PIWIL1: variants seen among roughly 807,000 people sequenced by gnomAD.
PIWIL1 encodes the protein piwi-like protein 1.
A neutral mutation model predicts 114.4 loss-of-function variants in PIWIL1; 73 were observed. The observed-to-expected ratio is 0.64, with a 90% CI of 0.53 to 0.78. The LOEUF is 0.78. PIWIL1 is among the 30% of genes least tolerant of loss of function. PIWIL1 has a pLI of 0.00. For missense variants in PIWIL1, 723 were observed against 1,063.1 expected, an observed-to-expected ratio of 0.68 and a Z score of 4.45; for synonymous variants, 375 against 369.0, an observed-to-expected ratio of 1.02 and a Z score of -0.19.
chr12:130,362,769 G>T lies in PIWIL1; in HGVS notation c.1974G>T (p.Trp658Cys), dbSNP rs754538430. ...VASINEGMTR[W>C]FSRCIFQDRG... Reference sequence around the variant, plus strand: ...AGCTGTGTTTTTCTCTGAATAGCTGGTTCTCACGCTGCATATTTCAGGATA... The same window carrying T: ...AGCTGTGTTTTTCTCTGAATAGCTGTTTCTCACGCTGCATATTTCAGGATA... The change falls in exon 17 of 21, where the codon TGG becomes TGT. Residue 658 changes from tryptophan to cysteine, a missense_variant. This residue lies in a region of PIWIL1 where 298 missense variants were observed against 420.8 expected (regional missense o/e 0.71). Transcript: ENST00000245255. 6.2e-7 allele frequency: 1 copy of T among 1,613,932 alleles called. No individual in the cohort carries two copies. The highest frequency in any genetic ancestry group is 8.5e-7 in the Non-Finnish European group (1 of 1,179,860).
intron 19 of PIWIL1, among the ~76,000 whole-genome samples, chr12:130,367,459 C>T (rs1331757167): frequency 6.6e-6 from 1 of 152,140 alleles, no homozygotes; most frequent in African/African-American, 2.4e-5. Flanking sequence ...TTTCCAAGTA[C>T]AGTTTTTCAT....
chr12:130,383,763 G>T, the PIWIL1 span: 1 of 152,184 alleles, frequency 6.6e-6, no homozygotes, highest in African/African-American at 2.4e-5. Context: ...CTGTGGTGAG[G>T]CATATTTGCT....
intron 14 of PIWIL1, among the ~76,000 whole-genome samples, 167 bp downstream of exon 14, chr12:130,357,720 T>C (rs1395126650): frequency 6.6e-6 from 1 of 152,222 alleles, no homozygotes; most frequent in East Asian, 1.9e-4. Context: ...ATGCTAGCTT[T>C]AGTTGTGCAC....
intron 19 of PIWIL1, 79 bp from the exon 20 acceptor site, chr12:130,371,097 A>G: frequency 8.4e-7 from 1 of 1,184,286 alleles, no homozygotes; most frequent in East Asian, 2.3e-5. Context: ...GAAGAGTGGT[A>G]CAGAGCTTTT....
intron 9 of PIWIL1, among the ~76,000 whole-genome samples, chr12:130,353,108 G>A (rs1050675933): frequency 1.3e-5 from 2 of 152,244 alleles, no homozygotes; most frequent in African/African-American, 2.4e-5. Context: ...ATGAGAGACA[G>A]ATTAAGGACA....
At chr12:130,393,247 T>C in the PIWIL1 span, among the ~76,000 whole-genome samples, 3 of 144,338 alleles carry the variant, frequency 2.1e-5, no homozygotes, top group Admixed American at 2.0e-4. Flanking sequence ...CTGGTGAGTA[T>C]TGAATGTTGT....
chr12:130,394,866 T>G, the PIWIL1 span, among the ~76,000 whole-genome samples: 3 of 152,312 alleles, frequency 2.0e-5, no homozygotes, highest in Admixed American at 2.0e-4. Flanking sequence ...GTTTCTCATT[T>G]TGAATATACA....
At chr12:130,388,731 A>G in the PIWIL1 span, among the ~76,000 whole-genome samples, 152 of 152,252 alleles carry the variant, frequency 1.0e-3, no homozygotes, top group African/African-American at 3.4e-3. Flanking sequence ...TAAGGATTAT[A>G]TTTTCTAATT....
At chr12:130,355,991 G>C (rs1456896729) in intron 12 of PIWIL1, among the ~76,000 whole-genome samples, 1 of 152,026 alleles carries the variant, frequency 6.6e-6, no homozygotes, top group Non-Finnish European at 1.5e-5. Context: ...AGAATGTGGA[G>C]CCTGTAGCTG....
the PIWIL1 span, chr12:130,407,875 C>G: frequency 9.0e-6 from 14 of 1,558,576 alleles, no homozygotes; most frequent in South Asian, 1.6e-4. Context: ...GAGGTTATTT[C>G]AAACTTAGCG....
chr12:130,422,445 C>A, the PIWIL1 span: 1 of 1,588,566 alleles, frequency 6.3e-7, no homozygotes, highest in Non-Finnish European at 8.6e-7. The surrounding 1 kb of genome is among the most constrained non-coding windows in gnomAD (Gnocchi z 5.2). Context: ...GATGATGGGG[C>A]CACTAACCGA....
the PIWIL1 span, among the ~76,000 whole-genome samples, chr12:130,391,897 A>G: frequency 5.4e-5 from 8 of 149,012 alleles, no homozygotes; most frequent in Non-Finnish European, 9.0e-5. Flanking sequence ...CCGTCCTCAC[A>G]TGCGTGCGTC....
chr12:130,421,321 C>T, the PIWIL1 span, among the ~76,000 whole-genome samples: 3 of 152,184 alleles, frequency 2.0e-5, no homozygotes, highest in African/African-American at 7.2e-5. Flanking sequence ...TTTTATTACT[C>T]AGTTAACTGA....
intron 2 of PIWIL1, 29 bp from the exon 3 acceptor site, chr12:130,342,961 G>GA: frequency 6.4e-7 from 1 of 1,556,020 alleles, no homozygotes. Context: ...TTGACGAAAA[G>GA]AATGTTCTTT....
the PIWIL1 span, among the ~76,000 whole-genome samples, chr12:130,416,181 A>G: frequency 6.6e-6 from 1 of 152,250 alleles, no homozygotes; most frequent in Non-Finnish European, 1.5e-5. Context: ...TGCTATTTCT[A>G]TCAAACTTCC....
chr12:130,425,152 C>A, the PIWIL1 span: 1 of 297,786 alleles, frequency 3.4e-6, no homozygotes, highest in Non-Finnish European at 6.2e-6. Flanking sequence ...GAGATCCCGG[C>A]GGCACATCAG....
chr12:130,426,032 A>G, the PIWIL1 span: 1 of 152,358 alleles, frequency 6.6e-6, no homozygotes, highest in African/African-American at 2.4e-5. Flanking sequence ...ATTGGAGCGA[A>G]TAAGGACATC....
At chr12:130,394,578 C>T in the PIWIL1 span, among the ~76,000 whole-genome samples, 1 of 152,260 alleles carries the variant, frequency 6.6e-6, no homozygotes, top group East Asian at 1.9e-4. Flanking sequence ...TTCCCAAGAA[C>T]CCAGTTCGTC....
the PIWIL1 span, among the ~76,000 whole-genome samples, chr12:130,409,493 C>T: frequency 2.0e-4 from 31 of 152,150 alleles, no homozygotes; most frequent in South Asian, 5.0e-3. Flanking sequence ...CAGGCGCCCG[C>T]CACCACGCCC....
Sources: gnomAD v4.1 joint callset for allele counts (sites outside exome capture counted in the v4.1 genomes callset) on GRCh38, gnomAD v4.1.1 for gene constraint, gnomAD v4.1.1 regional missense constraint, Gnocchi (gnomAD v3.1) non-coding constraint, MANE v1.5 for transcripts, NCBI Gene and HGNC (gene_info 2026-07-23, HGNC 2026-07-21) for gene names.